ADIPOR2: variants seen among roughly 807,000 people sequenced by gnomAD.
The protein encoded by ADIPOR2 is adiponectin receptor protein 2.
ADIPOR2 carries 18 observed loss-of-function variants against 40.9 expected under a neutral mutation model. The observed-to-expected ratio is 0.44, with a 90% CI of 0.30 to 0.65. The LOEUF (loss-of-function observed/expected upper bound fraction) is 0.65. Among genes scored for constraint, ADIPOR2 ranks in the 30% least tolerant of loss-of-function variants. ADIPOR2 has a pLI of 0.09. For missense variants in ADIPOR2, 283 were observed against 479.2 expected (o/e 0.59, Z 3.82); for synonymous variants, 165 against 166.4 (o/e 0.99, Z 0.06).
intron 2 of ADIPOR2, among the ~76,000 whole-genome samples, chr12:1,767,777 T>A (rs543533622): frequency 1.1e-3 from 165 of 152,320 alleles, no homozygotes; most frequent in African/African-American, 3.8e-3. Flanking sequence ...TCAAGTAGTT[T>A]AAGGAGATTT....
At chr12:1,785,199 C>T (rs113292369) in intron 7 of ADIPOR2, among the ~76,000 whole-genome samples, 4 of 152,258 alleles carry the variant, frequency 2.6e-5, no homozygotes, top group African/African-American at 9.6e-5. Flanking sequence ...ATTATAATGA[C>T]AGAATAGTGT....
At chr12:1,752,275 C>T (rs576831915) in intron 1 of ADIPOR2, among the ~76,000 whole-genome samples, 2 of 119,836 alleles carry the variant, frequency 1.7e-5, no homozygotes, top group African/African-American at 6.6e-5. Flanking sequence ...ACTCTGTTGC[C>T]CAGGCTGGAG....
intron 2 of ADIPOR2, among the ~76,000 whole-genome samples, chr12:1,755,408 T>G (rs893132697): frequency 5.9e-5 from 9 of 152,214 alleles, no homozygotes; most frequent in African/African-American, 2.2e-4. Flanking sequence ...CTTAACCTGC[T>G]TTATCTTGTT....
At chr12:1,718,127 T>C (rs2094691219) in intron 1 of ADIPOR2, among the ~76,000 whole-genome samples, 1 of 152,196 alleles carries the variant, frequency 6.6e-6, no homozygotes, top group African/African-American at 2.4e-5. Flanking sequence ...CATTTGGATG[T>C]TTCTGATGTT....
intron 1 of ADIPOR2, among the ~76,000 whole-genome samples, chr12:1,732,016 T>C (rs912211270): frequency 6.6e-6 from 1 of 151,740 alleles, no homozygotes; most frequent in Non-Finnish European, 1.5e-5. Context: ...AAAAAAAAGC[T>C]TAGACTTTTT....
intron 1 of ADIPOR2, among the ~76,000 whole-genome samples, chr12:1,713,939 C>G (rs549578717): frequency 3.9e-5 from 6 of 152,154 alleles, no homozygotes; most frequent in Middle Eastern, 3.4e-3. Context: ...TTTCCTGGCC[C>G]TCAATGGTTA....
intron 1 of ADIPOR2, among the ~76,000 whole-genome samples, chr12:1,742,744 A>G (rs865984072): frequency 5.9e-5 from 9 of 152,306 alleles, no homozygotes; most frequent in Middle Eastern, 3.4e-3. Flanking sequence ...TTGTTTAGGG[A>G]AAAAAGTCTA....
chr12:1,704,034 T>G (rs1177087232), intron 1 of ADIPOR2, among the ~76,000 whole-genome samples: 20 of 145,330 alleles, frequency 1.4e-4, no homozygotes, highest in East Asian at 2.0e-4. Flanking sequence ...TTTTTTTTTT[T>G]GGGTCTTGGT....
chr12:1,777,000 C>G (rs1037427774), intron 3 of ADIPOR2, among the ~76,000 whole-genome samples: 4 of 152,100 alleles, frequency 2.6e-5, no homozygotes, highest in African/African-American at 9.7e-5. Flanking sequence ...CTAGTTAATG[C>G]CAGGGGTCCA....
chr12:1,721,175 G>A (rs1443984355), intron 1 of ADIPOR2, among the ~76,000 whole-genome samples: 3 of 151,164 alleles, frequency 2.0e-5, no homozygotes, highest in African/African-American at 4.9e-5. Context: ...TGTCATGGGA[G>A]CGTCCTCAAC....
chr12:1,721,064 C>G (rs1297100864), intron 1 of ADIPOR2, among the ~76,000 whole-genome samples: 2 of 152,162 alleles, frequency 1.3e-5, no homozygotes, highest in Non-Finnish European at 2.9e-5. Flanking sequence ...CAATGTACTT[C>G]TTACATATAT....
chr12:1,743,222 T>G (rs569100778), intron 1 of ADIPOR2, among the ~76,000 whole-genome samples: 11 of 55,566 alleles, frequency 2.0e-4, no homozygotes, highest in African/African-American at 6.1e-4. Flanking sequence ...TGAAACCCCA[T>G]CTCTACCAAA....
At chr12:1,744,724 C>A (rs1215205094) in intron 1 of ADIPOR2, among the ~76,000 whole-genome samples, 3 of 152,174 alleles carry the variant, frequency 2.0e-5, no homozygotes, top group African/African-American at 7.2e-5. Context: ...TATTTGCTAA[C>A]CTTACAATTA....
At chr12:1,750,929 T>C (rs922317867) in intron 1 of ADIPOR2, among the ~76,000 whole-genome samples, 11 of 152,210 alleles carry the variant, frequency 7.2e-5, no homozygotes, top group Admixed American at 2.6e-4. Context: ...CTCATTTTTT[T>C]CCCTCATTTA....
chr12:1,730,803 C>G (rs1261978333), intron 1 of ADIPOR2: 3 of 152,018 alleles, frequency 2.0e-5, no homozygotes, highest in Non-Finnish European at 2.9e-5. Context: ...GAGAGCAAAT[C>G]ATAACTTTTT....
At chr12:1,744,393 C>G (rs2094750361) in intron 1 of ADIPOR2, among the ~76,000 whole-genome samples, 1 of 152,148 alleles carries the variant, frequency 6.6e-6, no homozygotes, top group South Asian at 2.1e-4. Context: ...TGTGAGCCAC[C>G]ACGTCCAGCT....
At chr12:1,748,779 A>G (rs1033053786) in intron 1 of ADIPOR2, among the ~76,000 whole-genome samples, 1 of 152,000 alleles carries the variant, frequency 6.6e-6, no homozygotes, top group African/African-American at 2.4e-5. Flanking sequence ...CTGTCATACC[A>G]CAGCAATAAT....
chr12:1,781,729 A>C (rs1862724178), intron 6 of ADIPOR2, among the ~76,000 whole-genome samples: 1 of 152,208 alleles, frequency 6.6e-6, no homozygotes, highest in Non-Finnish European at 1.5e-5. Context: ...GTGCCCACTG[A>C]GAATGAACAA....
At chr12:1,707,766 C>A (rs73040720) in intron 1 of ADIPOR2, among the ~76,000 whole-genome samples, 23,138 of 152,212 alleles carry the variant, frequency 0.15, 1,930 homozygotes, top group African/African-American at 0.22. Context: ...AGCCACCATG[C>A]CTTGCCTTAT....
Sources: allele counts gnomAD v4.1 joint callset (sites outside exome capture counted in the v4.1 genomes callset), GRCh38; gene constraint gnomAD v4.1.1; transcripts MANE v1.5; gene names NCBI Gene and HGNC (gene_info 2026-07-23, HGNC 2026-07-21).